The following SEMA3A variants were observed in gnomAD, a reference collection of about 807,000 sequenced individuals.
SEMA3A encodes semaphorin-3A.
A neutral mutation model predicts 97.9 loss-of-function variants in SEMA3A; 29 were observed. The ratio of observed to expected loss-of-function variants is 0.30; its 90% CI spans 0.22 to 0.40. The LOEUF is 0.40. Ranked by LOEUF, SEMA3A falls within the 10% of genes least tolerant of loss-of-function variation. The pLI is 1.00. For missense variants in SEMA3A, 763 were observed against 951.3 expected (o/e 0.80, Z 2.60); for synonymous variants, 321 against 323.7 (o/e 0.99, Z 0.09).
chr7:84,325,879 C>T (rs1440260933), intron 2 of SEMA3A, among the ~76,000 whole-genome samples: 1 of 152,060 alleles, frequency 6.6e-6, no homozygotes, highest in Non-Finnish European at 1.5e-5. Context: ...TGTAAGAGAA[C>T]ATTTGTATCC....
At chr7:84,036,102 A>G (rs1791931405) in intron 6 of SEMA3A, among the ~76,000 whole-genome samples, 1 of 151,908 alleles carries the variant, frequency 6.6e-6, no homozygotes, top group African/African-American at 2.4e-5. Context: ...TGAAATCCCC[A>G]CTCTGTAGTT....
intron 1 of SEMA3A, among the ~76,000 whole-genome samples, chr7:84,377,500 T>G (rs149088259): frequency 6.6e-6 from 1 of 152,326 alleles, no homozygotes; most frequent in East Asian, 1.9e-4. Flanking sequence ...TTTGGGTTAC[T>G]ATAGCTTTGT....
In SEMA3A at chr7:84,344,356, A is replaced by G. The variant is rs144911157; in HGVS notation, c.-169+27468T>C. ...AGGCATTCAACAAAAGGTAGAGCAG[A>G]ACTGTGATCTCTCAGAGAAGAGCAA... On this transcript the variant is annotated intron_variant, in intron 2 of 3. Transcript: ENST00000424555. Among the ~76,000 whole-genome samples, 773 of 152,312 alleles carry G rather than the reference A, an allele frequency of 5.1e-3. 5 individuals carry two copies. The highest frequency in any genetic ancestry group is 8.1e-3 in the Admixed American group (124 of 15,284).
chr7:84,465,916 A>G (rs1393105533), intron 1 of SEMA3A, among the ~76,000 whole-genome samples: 1 of 151,756 alleles, frequency 6.6e-6, no homozygotes, highest in African/African-American at 2.4e-5. Context: ...TCCCAAAACT[A>G]TCTTCTGTAT....
chr7:84,229,417 T>C (rs886585670), intron 3 of SEMA3A, among the ~76,000 whole-genome samples: 9 of 152,262 alleles, frequency 5.9e-5, no homozygotes, highest in Admixed American at 5.2e-4. Context: ...ACTTTTTCCT[T>C]TGAGTTTCAT....
rs778440986 is a variant in SEMA3A at position 84,007,413 on chromosome 7, A to C, written c.1080T>G (p.Asp360Glu). 1 of 1,609,930 alleles carries C rather than the reference A, an allele frequency of 6.2e-7. No individual in the cohort carries two copies. ...RVFLGPYAHR[D>E]GPNYQWVPYQ... is the part of the protein sequence containing the mutation. Reference sequence around the variant, plus strand: ...AAGGCACCCATTGATAGTTGGGTCCATCCCTGTGGGCATATGGACCAAGGA... The same window carrying C: ...AAGGCACCCATTGATAGTTGGGTCCCTCCCTGTGGGCATATGGACCAAGGA... The change falls in exon 10 of 17, where the codon GAT becomes GAG. Residue 360 changes from aspartate to glutamate, a missense_variant. By Grantham distance (45) the Asp-to-Glu change is conservative (BLOSUM62 2). Coordinates refer to ENST00000265362, the MANE Select transcript of SEMA3A (RefSeq NM_006080.3).
intron 4 of SEMA3A, among the ~76,000 whole-genome samples, chr7:84,063,914 G>A (rs1369914294): frequency 6.6e-6 from 1 of 150,706 alleles, no homozygotes; most frequent in African/African-American, 2.5e-5. Context: ...AGGAAATACA[G>A]AGAACGCCAC....
At chr7:84,002,141 C>A in intron 11 of SEMA3A, 95 bp from the exon 12 acceptor site, 1 of 650,682 alleles carries the variant, frequency 1.5e-6, no homozygotes. Context: ...GACAAAGAAC[C>A]TTTGATATCG....
intron 2 of SEMA3A, among the ~76,000 whole-genome samples, chr7:84,343,635 A>C (rs143439453): frequency 1.7e-3 from 262 of 152,274 alleles, no homozygotes; most frequent in African/African-American, 6.0e-3. Flanking sequence ...TGCTATGAGA[A>C]AGCCAAGTGG....
At chr7:84,102,009 T>G (rs1465433451) in intron 4 of SEMA3A, among the ~76,000 whole-genome samples, 1 of 52,694 alleles carries the variant, frequency 1.9e-5, no homozygotes, top group African/African-American at 4.0e-5. Context: ...CTGTGGTTAT[T>G]TTTATTCCTT....
intron 1 of SEMA3A, among the ~76,000 whole-genome samples, chr7:84,157,175 G>A (rs1363959472): frequency 1.3e-5 from 2 of 152,080 alleles, no homozygotes; most frequent in African/African-American, 4.8e-5. Context: ...ATGCCTTTGT[G>A]TATTAAAGTC....
intron 1 of SEMA3A, among the ~76,000 whole-genome samples, chr7:84,482,856 A>G (rs1806481211): frequency 7.1e-6 from 1 of 141,600 alleles, no homozygotes; most frequent in Non-Finnish European, 1.5e-5. Context: ...GATAGACTCA[A>G]AATTCTAGTT....
chr7:84,380,230 T>A (rs1418146289), intron 1 of SEMA3A, among the ~76,000 whole-genome samples: 1 of 152,230 alleles, frequency 6.6e-6, no homozygotes, highest in Non-Finnish European at 1.5e-5. Flanking sequence ...GAGATTTGAA[T>A]GATTAATGCT....
intron 3 of SEMA3A, among the ~76,000 whole-genome samples, chr7:84,252,869 CTTTATT>C (rs1562872635): frequency 1.3e-5 from 2 of 151,826 alleles, no homozygotes; most frequent in East Asian, 3.9e-4. Context: ...AGTTACTTAT[CTTTATT>C]TTTATTTTAT....
Position 84,129,149 on chromosome 7 carries a change from A to T in SEMA3A, c.307T>A (p.Cys103Ser). ...AGGATGTCTTTTCCAGCCCACTTGC[A>T]TTCATCTCTTCTGGTGTAAGATACT... is the stretch of plus-strand genomic sequence containing the variant. Reference protein sequence around the residue: ...WPVSYTRRDECKWAGKDILKE... With the variant: ...WPVSYTRRDESKWAGKDILKE... Residue 103 changes from cysteine (C) to serine (S), a missense_variant, in exon 3 of 17, where the codon TGC (cysteine) becomes AGC (serine). Physicochemically the swap from Cys to Ser is moderately radical, Grantham distance 112. Around this residue, in one of 2 missense-constraint regions of SEMA3A, gnomAD observed 678 missense variants for 881.3 expected, o/e 0.77. Coordinates refer to ENST00000265362, the MANE Select transcript of SEMA3A (RefSeq NM_006080.3). The T allele has an allele frequency of 6.2e-7, 1 of 1,613,118 alleles. No homozygotes were observed. Among genetic ancestry groups the T allele is most frequent in the Non-Finnish European group, 8.5e-7 (1 of 1,179,172 alleles).
chr7:84,255,619 G>A lies in SEMA3A; in HGVS notation c.-83+51588C>T, dbSNP rs575267442. On this transcript the variant is annotated intron_variant, in intron 3 of 3. Transcript: ENST00000424555. ...GTCTAACCTAGAAAACTTCAGGGGC[G>A]GATGTCTCTGTGTTCTTGTCATATT... 1.4e-4 allele frequency among the ~76,000 whole-genome samples: 21 copies of A among 152,130 alleles called. No homozygotes were observed. The South Asian group carries it at 1.5e-3, about 11-fold the overall frequency.
intron 1 of SEMA3A, among the ~76,000 whole-genome samples, chr7:84,382,320 T>A (rs1347476139): frequency 6.6e-6 from 1 of 151,846 alleles, no homozygotes; most frequent in Non-Finnish European, 1.5e-5. Context: ...TTGGCCAAGA[T>A]GGTCTGAAAC....
intron 2 of SEMA3A, among the ~76,000 whole-genome samples, chr7:84,313,513 A>G (rs1251969293): frequency 6.7e-6 from 1 of 150,118 alleles, no homozygotes; most frequent in Non-Finnish European, 1.5e-5. Context: ...CTCCTATTCT[A>G]AAATTATTTG....
intron 3 of SEMA3A, among the ~76,000 whole-genome samples, chr7:84,229,296 A>G (rs943004204): frequency 1.3e-5 from 2 of 152,170 alleles, no homozygotes; most frequent in Non-Finnish European, 2.9e-5. Context: ...AAAGTTTAAT[A>G]TAACTCAAAA....
Sources: allele counts gnomAD v4.1 joint callset (sites outside exome capture counted in the v4.1 genomes callset), GRCh38; gene constraint gnomAD v4.1.1; regional missense constraint gnomAD v4.1.1; transcripts MANE v1.5; gene names NCBI Gene and HGNC (gene_info 2026-07-23, HGNC 2026-07-21).